Variants in RBFOX1 observed in about 807,000 individuals in gnomAD.
The protein encoded by RBFOX1 is RNA binding fox-1 homolog 1, also known as RNA binding protein fox-1 homolog 1.
In RBFOX1, 8 loss-of-function variants were observed where a neutral mutation model predicts 57.7. The ratio of observed to expected loss-of-function variants is 0.14; its 90% confidence interval spans 0.08 to 0.25. The LOEUF (loss-of-function observed/expected upper bound fraction) is 0.25. Among genes scored for constraint, RBFOX1 ranks in the 10% least tolerant of loss-of-function variants. RBFOX1 has a pLI of 1.00. For missense variants in RBFOX1, 611 were observed against 548.5 expected, an observed-to-expected ratio of 1.11 and a Z score of -1.14; for synonymous variants, 326 against 222.4, an observed-to-expected ratio of 1.47 and a Z score of -4.15.
chr16:6,492,220 AC>A (rs1272152375), intron 2 of RBFOX1, among the ~76,000 whole-genome samples: 2 of 152,164 alleles, frequency 1.3e-5, no homozygotes, highest in African/African-American at 4.8e-5. Flanking sequence ...CATTTTATAT[AC>A]TGTTAGAATG....
chr16:5,268,197 T>C (rs1040557248), intron 1 of RBFOX1, among the ~76,000 whole-genome samples: 17 of 152,224 alleles, frequency 1.1e-4, no homozygotes, highest in African/African-American at 4.1e-4. Context: ...CTGCAGCCTC[T>C]ACTAGAATGA....
chr16:7,238,312 G>A (rs1459209348), intron 4 of RBFOX1, among the ~76,000 whole-genome samples: 1 of 145,088 alleles, frequency 6.9e-6, no homozygotes. Context: ...CTACTCAACT[G>A]CAGACTTAAA....
chr16:6,484,013 G>A (rs1489370242), intron 2 of RBFOX1: 19 of 899,528 alleles, frequency 2.1e-5, no homozygotes, highest in Non-Finnish European at 2.3e-5. Context: ...CTTGGAGAGG[G>A]CTAGGGGGCG....
chr16:5,798,761 A>G (rs2151748578), intron 3 of RBFOX1, among the ~76,000 whole-genome samples: 1 of 152,356 alleles, frequency 6.6e-6, no homozygotes, highest in Non-Finnish European at 1.5e-5. Flanking sequence ...TAATTAAGTC[A>G]TGCCAGAGTC....
chr16:6,642,372 G>T (rs1404105602), intron 2 of RBFOX1, among the ~76,000 whole-genome samples: 2 of 152,134 alleles, frequency 1.3e-5, no homozygotes, highest in Non-Finnish European at 2.9e-5. Flanking sequence ...CTCCCGCTGT[G>T]ATGCCAATGC....
At chr16:7,402,091 C>G (rs983854510) in intron 4 of RBFOX1, among the ~76,000 whole-genome samples, 2 of 151,792 alleles carry the variant, frequency 1.3e-5, no homozygotes, top group South Asian at 2.1e-4. Context: ...AGACTGTATC[C>G]TAAAGTAATG....
At chr16:6,591,732 A>T (rs186020530) in intron 2 of RBFOX1, among the ~76,000 whole-genome samples, 1 of 152,256 alleles carries the variant, frequency 6.6e-6, no homozygotes, top group Admixed American at 6.6e-5. Context: ...ATTATATTTA[A>T]TTGGAAAATT....
chr16:6,306,071 A>C (rs182563667), intron 1 of RBFOX1, among the ~76,000 whole-genome samples: 17 of 152,146 alleles, frequency 1.1e-4, no homozygotes, highest in Admixed American at 1.1e-3. Flanking sequence ...TGCTCTAGGC[A>C]CTCTGTTGAG....
chr16:7,260,153 T>C (rs1376327820), intron 4 of RBFOX1, among the ~76,000 whole-genome samples: 1 of 152,204 alleles, frequency 6.6e-6, no homozygotes, highest in Non-Finnish European at 1.5e-5. Context: ...AATAACACTT[T>C]TATACAGAAA....
chr16:5,837,921 G>A (rs2056510877), intron 3 of RBFOX1, among the ~76,000 whole-genome samples: 1 of 152,136 alleles, frequency 6.6e-6, no homozygotes, highest in Non-Finnish European at 1.5e-5. Context: ...TGGGCGCTTG[G>A]AGAAGACTGT....
intron 1 of RBFOX1, among the ~76,000 whole-genome samples, chr16:5,334,093 T>G (rs989294310): frequency 1.3e-5 from 2 of 152,106 alleles, no homozygotes; most frequent in African/African-American, 4.8e-5. Context: ...CTAAGAGTAT[T>G]TAAGGGTTTA....
intron 1 of RBFOX1, among the ~76,000 whole-genome samples, chr16:6,225,993 A>G (rs1169504351): frequency 2.0e-5 from 3 of 152,212 alleles, no homozygotes; most frequent in East Asian, 1.9e-4. Context: ...GATTGTAACA[A>G]TTCTAAGGAT....
At chr16:7,091,102 T>G (rs1438191348) in intron 4 of RBFOX1, among the ~76,000 whole-genome samples, 1 of 150,494 alleles carries the variant, frequency 6.6e-6, no homozygotes, top group Non-Finnish European at 1.5e-5. Flanking sequence ...AATAGGTATT[T>G]GTTTGACTTT....
intron 4 of RBFOX1, among the ~76,000 whole-genome samples, chr16:7,152,587 A>G (rs577893107): frequency 6.6e-6 from 1 of 152,066 alleles, no homozygotes; most frequent in Non-Finnish European, 1.5e-5. Flanking sequence ...TTTCATTTGC[A>G]TCATTGATAG....
chr16:5,884,600 T>C, intron 4 of RBFOX1, among the ~76,000 whole-genome samples: 1 of 152,160 alleles, frequency 6.6e-6, no homozygotes, highest in Non-Finnish European at 1.5e-5. Flanking sequence ...TTTTCCAACG[T>C]AGCCATAAGC....
intron 3 of RBFOX1, among the ~76,000 whole-genome samples, chr16:6,861,281 G>C (rs889696821): frequency 6.6e-6 from 1 of 152,102 alleles, no homozygotes; most frequent in Middle Eastern, 3.2e-3. Flanking sequence ...TTGCAAAAGG[G>C]TTTTATACAA....
chr16:7,585,933 C>T (rs1038110125), intron 6 of RBFOX1, among the ~76,000 whole-genome samples: 1 of 152,034 alleles, frequency 6.6e-6, no homozygotes, highest in Non-Finnish European at 1.5e-5. Context: ...TCACCCCAGT[C>T]GCTCTGTCCG....
At chr16:7,225,452 C>A (rs1414623434) in intron 4 of RBFOX1, among the ~76,000 whole-genome samples, 1 of 152,056 alleles carries the variant, frequency 6.6e-6, no homozygotes, top group Non-Finnish European at 1.5e-5. Context: ...CACCTTTCAC[C>A]TTCCACCATG....
chr16:6,932,518 G>C (rs77564451), intron 3 of RBFOX1, among the ~76,000 whole-genome samples: 4,119 of 152,234 alleles, frequency 0.027, 178 homozygotes, highest in African/African-American at 0.092. Context: ...ACATCCTTAG[G>C]AGGATCTGCT....
Sources: gnomAD v4.1 joint callset for allele counts (sites outside exome capture counted in the v4.1 genomes callset) on GRCh38, gnomAD v4.1.1 for gene constraint, MANE v1.5 for transcripts, NCBI Gene and HGNC (gene_info 2026-07-23, HGNC 2026-07-21) for gene names.